The following TMEM17 variants were observed in gnomAD, a reference collection of about 807,000 sequenced individuals.
TMEM17 encodes transmembrane protein 17.
In TMEM17, 15 loss-of-function variants were observed where a neutral mutation model predicts 19.1. That is an observed-to-expected ratio of 0.78 (90% confidence interval 0.52 to 1.21). The LOEUF is 1.21. TMEM17 is among the 50% of genes most tolerant of loss of function. TMEM17 has a pLI of 0.00. For synonymous variants in TMEM17, 103 were observed against 86.9 expected, an observed-to-expected ratio of 1.19 and a Z score of -1.03; for missense variants, 245 against 242.3, an observed-to-expected ratio of 1.01 and a Z score of -0.07.
chr2:62,477,940 C>T, the TMEM17 span, among the ~76,000 whole-genome samples: 3 of 152,200 alleles, frequency 2.0e-5, no homozygotes, highest in African/African-American at 7.2e-5. Flanking sequence ...ACTGCTTCAC[C>T]GCCTTTCTGC....
chr2:62,485,644 G>A, the TMEM17 span, among the ~76,000 whole-genome samples: 1 of 152,190 alleles, frequency 6.6e-6, no homozygotes, highest in East Asian at 1.9e-4. Flanking sequence ...AGATCAGGAA[G>A]TATACCTTTA....
At chr2:62,476,604 A>T in the TMEM17 span, among the ~76,000 whole-genome samples, 1 of 152,238 alleles carries the variant, frequency 6.6e-6, no homozygotes, top group Non-Finnish European at 1.5e-5. Flanking sequence ...TAAATCAGGG[A>T]CTATCTGTAT....
At chr2:62,462,103 C>T in the TMEM17 span, among the ~76,000 whole-genome samples, 5 of 152,200 alleles carry the variant, frequency 3.3e-5, no homozygotes, top group African/African-American at 1.2e-4. Flanking sequence ...ACAATTCTCT[C>T]CTCCATCCAG....
the TMEM17 span, among the ~76,000 whole-genome samples, chr2:62,459,193 C>T: frequency 2.4e-4 from 36 of 152,340 alleles, no homozygotes; most frequent in Non-Finnish European, 3.7e-4. Context: ...AGGTGGTTTT[C>T]ATGAATATCA....
the TMEM17 span, among the ~76,000 whole-genome samples, chr2:62,455,013 G>C: frequency 1.3e-5 from 2 of 152,182 alleles, no homozygotes; most frequent in African/African-American, 4.8e-5. Context: ...CCGAGACCCA[G>C]CTTTATTGAA....
At chr2:62,469,817 G>A in the TMEM17 span, among the ~76,000 whole-genome samples, 1 of 152,252 alleles carries the variant, frequency 6.6e-6, no homozygotes, top group Non-Finnish European at 1.5e-5. Context: ...AGTGTCTGGT[G>A]CTCTAGAAGC....
At chr2:62,493,085 A>G in the TMEM17 span, among the ~76,000 whole-genome samples, 1 of 152,184 alleles carries the variant, frequency 6.6e-6, no homozygotes, top group African/African-American at 2.4e-5. Context: ...GCTGGAGTGC[A>G]GTGGTGTGAT....
downstream of TMEM17, among the ~76,000 whole-genome samples, chr2:62,499,227 T>C (rs1469632718): frequency 2.0e-5 from 3 of 152,182 alleles, no homozygotes; most frequent in Non-Finnish European, 2.9e-5. Flanking sequence ...CATTTTGTTA[T>C]TAATCTCTTA....
At chr2:62,501,758 G>C (rs1300962186) in intron 3 of TMEM17, 1 of 327,452 alleles carries the variant, frequency 3.1e-6, no homozygotes, top group African/African-American at 2.1e-5. Context: ...ATAAGGGAGT[G>C]ATTAGGGTAG....
the TMEM17 span, among the ~76,000 whole-genome samples, chr2:62,475,337 C>T: frequency 1.3e-5 from 2 of 152,234 alleles, no homozygotes; most frequent in South Asian, 2.1e-4. Context: ...GGCATGCCCA[C>T]GCAGCCGGGC....
the TMEM17 span, among the ~76,000 whole-genome samples, chr2:62,482,550 C>A: frequency 0.06 from 9,108 of 152,170 alleles, 402 homozygotes; most frequent in South Asian, 0.097. Flanking sequence ...AACATGTATC[C>A]AGGCTTGGTC....
At chr2:62,490,073 G>A in the TMEM17 span, among the ~76,000 whole-genome samples, 1 of 152,262 alleles carries the variant, frequency 6.6e-6, no homozygotes, top group East Asian at 1.9e-4. Context: ...CTACTCAGGA[G>A]GCTAAGGCAC....
the TMEM17 span, among the ~76,000 whole-genome samples, chr2:62,467,029 A>G: frequency 6.6e-6 from 1 of 152,042 alleles, no homozygotes; most frequent in Non-Finnish European, 1.5e-5. Flanking sequence ...TGCCCAGGTT[A>G]ATAGGTTCCA....
the TMEM17 span, among the ~76,000 whole-genome samples, chr2:62,476,207 A>C: frequency 6.6e-6 from 1 of 152,090 alleles, no homozygotes; most frequent in Non-Finnish European, 1.5e-5. Context: ...TTTTCTATGT[A>C]TGTTGTTGCA....
the TMEM17 span, among the ~76,000 whole-genome samples, chr2:62,461,562 C>T: frequency 6.6e-6 from 1 of 152,104 alleles, no homozygotes; most frequent in African/African-American, 2.4e-5. Context: ...TGGTTTTTTG[C>T]AGGGAAACTT....
the TMEM17 span, among the ~76,000 whole-genome samples, chr2:62,486,368 A>G: frequency 3.9e-5 from 6 of 152,164 alleles, no homozygotes; most frequent in Non-Finnish European, 2.9e-5. Flanking sequence ...CAAGACTGAA[A>G]TAGAATGTTA....
At chr2:62,481,179 TTTG>T in the TMEM17 span, among the ~76,000 whole-genome samples, 3 of 152,198 alleles carry the variant, frequency 2.0e-5, no homozygotes, top group East Asian at 5.8e-4. Flanking sequence ...TTTGTGTTTT[TTTG>T]TTGTTGTTTT....
Position 62,501,046 on chromosome 2 carries a change from A to C in TMEM17, c.*163T>G, listed in dbSNP as rs555644839. 2 of 731,012 alleles carry C rather than the reference A, an allele frequency of 2.7e-6. No individual in the cohort carries two copies. Among genetic ancestry groups the C allele is most frequent in the East Asian group, 5.3e-5 (2 of 37,446 alleles). 45.3% of individuals were successfully genotyped at this position (731,012 alleles called of 1,614,324 possible). A position where few individuals can be genotyped will look rare whatever the true frequency, so the allele number is the denominator to read the frequency against. On this transcript the variant is annotated 3_prime_UTR_variant, in exon 4 of 4. Coordinates refer to ENST00000335390, the MANE Select transcript of TMEM17 (RefSeq NM_198276.3). ...TTTTAGGGTTAATATACTGTTTCAT[A>C]TACTGTACAAAGTTTCATCATTGCC...
the TMEM17 span, among the ~76,000 whole-genome samples, chr2:62,455,333 A>T: frequency 6.6e-6 from 1 of 152,262 alleles, no homozygotes; most frequent in Non-Finnish European, 1.5e-5. Flanking sequence ...ATTCCACTGC[A>T]AATACCACAT....
Sources: allele counts gnomAD v4.1 joint callset (sites outside exome capture counted in the v4.1 genomes callset), GRCh38; gene constraint gnomAD v4.1.1; transcripts MANE v1.5; gene names NCBI Gene and HGNC (gene_info 2026-07-23, HGNC 2026-07-21).